Variants in CEP70 observed in about 807,000 individuals in gnomAD.
CEP70 encodes the protein centrosomal protein of 70 kDa.
Under a neutral mutation model 90.9 loss-of-function variants are expected in CEP70, and 70 were observed. The observed-to-expected ratio is 0.77, with a 90% confidence interval of 0.64 to 0.94. The LOEUF is 0.94. CEP70 is among the 40% of genes least tolerant of loss of function. The pLI is 0.00. For synonymous variants in CEP70, 220 were observed against 228.3 expected, an observed-to-expected ratio of 0.96 and a Z score of 0.33; for missense variants, 648 against 669.0, an observed-to-expected ratio of 0.97 and a Z score of 0.35.
chr3:138,570,894 T>C, intron 5 of CEP70, 140 bp downstream of exon 5: 1 of 615,232 alleles, frequency 1.6e-6, no homozygotes, highest in East Asian at 3.1e-5. Flanking sequence ...AAGATTTACC[T>C]ATTAAAATTT....
chr3:138,499,783 T>TCCAC (rs138764339), intron 16 of CEP70: 1 of 188,772 alleles, frequency 5.3e-6, no homozygotes, highest in Non-Finnish European at 1.1e-5. Context: ...TCTCTCTCTC[T>TCCAC]ACACACACAC....
rs114608437 is a variant in CEP70, at chr3:138,540,962, C to T, written c.466-3615G>A. The stretch of plus-strand genomic sequence containing the variant: ...TTGCGAGAACATGGATGGAGCTGAA[C>T]GGCATTATCCTTAGCAAACTAATGC... On this transcript the variant is annotated intron_variant, in intron 6 of 17. Transcript: ENST00000264982. Among the ~76,000 whole-genome samples the T allele has an allele frequency of 3.9e-5, 6 of 152,220 alleles. No homozygotes were observed. In the South Asian group the frequency reaches 6.2e-4, roughly 16 times the overall value.
intron 6 of CEP70, among the ~76,000 whole-genome samples, chr3:138,540,432 C>T (rs961778965): frequency 3.4e-5 from 5 of 148,938 alleles, no homozygotes; most frequent in Admixed American, 6.8e-5. Flanking sequence ...TGCAGTGAGC[C>T]GAGACCACAC....
chr3:138,592,182 T>G (rs1282685374), intron 1 of CEP70, among the ~76,000 whole-genome samples: 1 of 152,166 alleles, frequency 6.6e-6, no homozygotes, highest in Non-Finnish European at 1.5e-5. Context: ...GTTAAGACAT[T>G]TAGCTGGGTA....
At position 138,590,327 on chromosome 3, in the gene CEP70, A is replaced by G. The variant is rs114219475; in HGVS notation, c.-6+1527T>C. On this transcript the variant is annotated intron_variant, in intron 2 of 17. Coordinates refer to ENST00000264982, the MANE Select transcript of CEP70 (RefSeq NM_024491.4). ...GAAGTTGTTAAGTAAAAGCTCTGTA[A>G]TCTCAATCTGAAGACTGGAAGTAGA... Among the ~76,000 whole-genome samples, 852 of 152,232 alleles carry G rather than the reference A, an allele frequency of 5.6e-3. 6 individuals are homozygous for G. Among genetic ancestry groups the G allele is most frequent in the African/African-American group, 0.02 (820 of 41,532 alleles).
At chr3:138,549,527 T>C (rs2039466013) in intron 6 of CEP70, among the ~76,000 whole-genome samples, 1 of 151,974 alleles carries the variant, frequency 6.6e-6, no homozygotes, top group Admixed American at 6.6e-5. Flanking sequence ...CTGGGACCCA[T>C]ACCCCCATGC....
intron 17 of CEP70, 158 bp downstream of exon 17, chr3:138,497,869 CCAAA>C: frequency 1.0e-6 from 1 of 985,370 alleles, no homozygotes; most frequent in Non-Finnish European, 1.2e-6. Context: ...ATGGACTAAT[CCAAA>C]CAAACTCTAA....
At chr3:138,520,611 A>C (rs1405933203) in intron 11 of CEP70, among the ~76,000 whole-genome samples, 1 of 152,232 alleles carries the variant, frequency 6.6e-6, no homozygotes, top group African/African-American at 2.4e-5. Context: ...TGAAGGCAGA[A>C]ATAAAGATGT....
chr3:138,554,115 C>T (rs543211007), intron 6 of CEP70, among the ~76,000 whole-genome samples: 3 of 151,722 alleles, frequency 2.0e-5, no homozygotes, highest in Non-Finnish European at 2.9e-5. Context: ...GCAGGAGAAT[C>T]GCCTGAACCT....
At chr3:138,509,539 G>A (rs35471402) in intron 11 of CEP70, among the ~76,000 whole-genome samples, 83,467 of 152,036 alleles carry the variant, frequency 0.55, 24,707 homozygotes, top group African/African-American at 0.78. Flanking sequence ...ACAGGCTGTA[G>A]TAATCTTTCT....
chr3:138,495,144 G>T, intron 17 of CEP70, 68 bp from the exon 18 acceptor site: 1 of 932,358 alleles, frequency 1.1e-6, no homozygotes, highest in South Asian at 1.5e-5. Context: ...CATGAAACAA[G>T]AACCTATATG....
rs529492417 is a variant in CEP70, at chr3:138,532,166, G to A, written c.692+348C>T. Among the ~76,000 whole-genome samples the A allele has an allele frequency of 1.7e-4, 26 of 152,126 alleles. No homozygotes were observed. In the South Asian group the frequency reaches 5.4e-3, roughly 32 times the overall value. ...TACTAATTAGGTTACACTTTGATAG[G>A]CAGCCAATCTAATTCTATGCACTTT... On this transcript the variant is annotated intron_variant, in intron 8 of 17. Coordinates refer to ENST00000264982, the MANE Select transcript of CEP70 (RefSeq NM_024491.4).
intron 2 of CEP70, among the ~76,000 whole-genome samples, chr3:138,579,246 G>A (rs1339637806): frequency 6.6e-6 from 1 of 152,140 alleles, no homozygotes; most frequent in Non-Finnish European, 1.5e-5. Flanking sequence ...GTGAGTTAAA[G>A]TGCTCTGGGG....
intron 2 of CEP70, among the ~76,000 whole-genome samples, chr3:138,574,135 G>T (rs1376144037): frequency 6.6e-6 from 1 of 152,150 alleles, no homozygotes; most frequent in African/African-American, 2.4e-5. Context: ...AAGCAGGGTG[G>T]GGCATTGCCT....
chr3:138,536,800 G>A (rs1190871213), intron 7 of CEP70: 1 of 150,586 alleles, frequency 6.6e-6, no homozygotes, highest in African/African-American at 2.4e-5. Context: ...ATAGTCCCTG[G>A]TTCTTTCCAC....
At chr3:138,537,530 A>G (rs2038387138) in intron 6 of CEP70, among the ~76,000 whole-genome samples, 183 bp from the exon 7 acceptor site, 1 of 152,186 alleles carries the variant, frequency 6.6e-6, no homozygotes, top group Non-Finnish European at 1.5e-5. Context: ...ATAAACCTGA[A>G]AAAATATAAG....
chr3:138,520,006 A>G (rs1237169791), intron 11 of CEP70, among the ~76,000 whole-genome samples: 4 of 152,306 alleles, frequency 2.6e-5, no homozygotes, highest in African/African-American at 9.6e-5. Flanking sequence ...AGCAAATGGA[A>G]AACAAAAAAA....
At chr3:138,546,635 G>T (rs1393509969) in intron 6 of CEP70, among the ~76,000 whole-genome samples, 2 of 152,210 alleles carry the variant, frequency 1.3e-5, no homozygotes, top group South Asian at 4.2e-4. Context: ...TGTAGTCCCA[G>T]CTACTCAGGA....
chr3:138,525,097 A>C (rs930487423), intron 11 of CEP70, among the ~76,000 whole-genome samples: 24 of 152,208 alleles, frequency 1.6e-4, no homozygotes, highest in Non-Finnish European at 1.5e-5. Context: ...AAAAATGATG[A>C]GTTCATGTCC....
Sources: gnomAD v4.1 joint callset for allele counts (sites outside exome capture counted in the v4.1 genomes callset) on GRCh38, gnomAD v4.1.1 for gene constraint, MANE v1.5 for transcripts, NCBI Gene and HGNC (gene_info 2026-07-23, HGNC 2026-07-21) for gene names.